Variants in RPL30 observed in about 807,000 individuals in gnomAD.
RPL30 encodes large ribosomal subunit protein eL30.
For missense variants in RPL30, 60 were observed against 138.0 expected (o/e 0.43, Z 2.83); for synonymous variants, 40 against 50.4 (o/e 0.79, Z 0.87).
intron 1 of RPL30, 39 bp downstream of exon 1, chr8:98,045,469 C>T (rs920809115): frequency 6.9e-7 from 1 of 1,440,930 alleles, no homozygotes; most frequent in Admixed American, 1.7e-5. Flanking sequence ...GCAAAGCTCC[C>T]CGCGCTGCCT....
At chr8:98,041,962 T>C (rs909721328) in intron 4 of RPL30, 112 bp from the exon 5 acceptor site, 4 of 815,678 alleles carry the variant, frequency 4.9e-6, no homozygotes, top group South Asian at 4.4e-5. Flanking sequence ...GTCTGCAAAT[T>C]AGCACTGACT....
intron 2 of RPL30, 84 bp from the exon 3 acceptor site, chr8:98,045,172 C>T: frequency 6.4e-7 from 1 of 1,565,014 alleles, no homozygotes; most frequent in South Asian, 1.2e-5. Context: ...AAGCCGAGCC[C>T]CTTAAACTTC....
In RPL30 at chr8:98,044,678, CTG is replaced by C. The variant is rs1185151403; in HGVS notation, c.167+263_167+264del. The C allele has an allele frequency of 2.1e-5, 9 of 437,964 alleles. 1 individual carries two copies. In the South Asian group the frequency reaches 2.2e-4, roughly 11 times the overall value. The allele number at this position is 437,964 out of a possible 1,614,324, so 27.1% of individuals were successfully genotyped here. A position where few individuals can be genotyped will look rare whatever the true frequency, so the allele number is the denominator to read the frequency against. On this transcript the variant is annotated intron_variant, in intron 3 of 4. Transcript: ENST00000287038. Reference sequence around the variant, plus strand: ...ATACATGGAAAAAACAGTAATGTGTCTGTGTTTCCATTAAACCTCGATGTTCT... The same window carrying C: ...ATACATGGAAAAAACAGTAATGTGTCTGTTTCCATTAAACCTCGATGTTCT...
intron 3 of RPL30, chr8:98,044,634 C>CA (rs1814442868): frequency 3.3e-6 from 1 of 305,872 alleles, no homozygotes; most frequent in African/African-American, 2.2e-5. Flanking sequence ...CTAAAAGAAC[C>CA]AAAAAAGCAG....
Position 98,044,998 on chromosome 8 carries a change from T to C in RPL30, c.112A>G (p.Ile38Val). 2 of 1,614,156 alleles carry C rather than the reference T, an allele frequency of 1.2e-6. No individual in the cohort carries two copies. Among genetic ancestry groups the C allele is most frequent in the South Asian group, 2.2e-5 (2 of 91,086 alleles). ...VLGYKQTLKMIRQGKAKLVIL... is the reference protein window; with the variant it reads ...VLGYKQTLKMVRQGKAKLVIL... The stretch of plus-strand genomic sequence containing the variant: ...ACCAATTTCGCTTTGCCTTGTCTGA[T>C]CATCTTCAGAGTCTGCTTGTACCCC... Residue 38 changes from isoleucine (I) to valine (V), a missense_variant, in exon 3 of 5, where the codon ATC becomes GTC. Coordinates refer to ENST00000287038, the MANE Select transcript of RPL30 (RefSeq NM_000989.4).
In RPL30 at chr8:98,041,758, G is replaced by A. The variant is rs1047363047; in HGVS notation, c.*43C>T. 4 of 1,341,100 alleles carry A rather than the reference G, an allele frequency of 3.0e-6. No individual in the cohort carries two copies. Among genetic ancestry groups the A allele is most frequent in the African/African-American group, 1.5e-5 (1 of 67,952 alleles). 83.1% of individuals were successfully genotyped at this position (1,341,100 alleles called of 1,614,324 possible). On this transcript the variant is annotated 3_prime_UTR_variant, in exon 5 of 5. Transcript: ENST00000287038. The stretch of plus-strand genomic sequence containing the variant: ...GCAAATTTTATTAAAGGAAAATTTT[G>A]CAGGTTTAAGGTTTGCAGGTGAAAT...
rs773019395 is a variant in RPL30, at chr8:98,045,044, C to T, written c.66G>A (p.Met22Ile). Residue 22 changes from methionine (M) to isoleucine (I), a missense_variant, in exon 3 of 5, where the codon ATG becomes ATA. By Grantham distance (10) the Met-to-Ile change is conservative (BLOSUM62 1). Transcript: ENST00000287038. The part of the protein sequence containing the change: ...ESINSRLQLV[M>I]KSGKYVLGYK... ...ACCCCAGGACGTACTTCCCACTTTT[C>T]ATAACGAGTTGGAGCCTAGAGTTGA... 11 of 1,614,078 alleles carry T rather than the reference C, an allele frequency of 6.8e-6. No individual in the cohort carries two copies. The African/African-American group carries it at 1.1e-4, about 16-fold the overall frequency.
chr8:98,045,082 A>G lies in RPL30; in HGVS notation c.28T>C (p.Ser10Pro). 6.2e-7 allele frequency: 1 copy of G among 1,613,570 alleles called. No homozygotes were observed. The highest frequency in any genetic ancestry group is 8.5e-7 in the Non-Finnish European group (1 of 1,179,836). ...AGCCTAGAGTTGATCGACTCCAGCG[A>G]CTTTTTCTACAAAGCAAACATTAAA... The part of the protein sequence containing the change: MVAAKKTKK[S>P]LESINSRLQL... Residue 10 changes from serine (S) to proline (P), a missense_variant, in exon 3 of 5, where the codon TCG becomes CCG. By Grantham distance (74) the Ser-to-Pro change is moderately conservative (BLOSUM62 -1). Coordinates refer to ENST00000287038, the MANE Select transcript of RPL30 (RefSeq NM_000989.4).
At chr8:98,042,852 CTAGTGT>C (rs1814404543) in intron 3 of RPL30, 77 bp from the exon 4 acceptor site, 1 of 1,382,080 alleles carries the variant, frequency 7.2e-7, no homozygotes, top group Non-Finnish European at 9.7e-7. Context: ...ACTTCTTTTA[CTAGTGT>C]TAATGTTGTT....
At chr8:98,043,459 CTG>C (rs1182161123) in intron 3 of RPL30, 1 of 138,676 alleles carries the variant, frequency 7.2e-6, no homozygotes, top group Non-Finnish European at 1.5e-5. Context: ...TCTAATGAAA[CTG>C]AGCCACAGAA....
At chr8:98,044,917 G>A (rs1363974936) in intron 3 of RPL30, 26 bp downstream of exon 3, 4 of 1,607,940 alleles carry the variant, frequency 2.5e-6, no homozygotes, top group East Asian at 2.2e-5. Context: ...CGCGGTAGGC[G>A]AAGCCCGTTC....
chr8:98,043,036 G>GT (rs1563744876), intron 3 of RPL30: 2 of 278,610 alleles, frequency 7.2e-6, no homozygotes, highest in African/African-American at 4.4e-5. Flanking sequence ...ACGGAAGAGG[G>GT]TAAGATGCAA....
At chr8:98,045,169 G>T in intron 2 of RPL30, 81 bp from the exon 3 acceptor site, 1 of 1,569,072 alleles carries the variant, frequency 6.4e-7, no homozygotes, top group Admixed American at 1.8e-5. Context: ...TTGAAGCCGA[G>T]CCCCTTAAAC....
At chr8:98,044,231 ATAG>A (rs1814435160) in intron 3 of RPL30, 1 of 152,294 alleles carries the variant, frequency 6.6e-6, no homozygotes, top group African/African-American at 2.4e-5. Context: ...AAGCACTACT[ATAG>A]AAGACAGGCT....
chr8:98,045,123 C>A, intron 2 of RPL30, 35 bp from the exon 3 acceptor site: 1 of 1,598,638 alleles, frequency 6.3e-7, no homozygotes, highest in Non-Finnish European at 8.5e-7. Flanking sequence ...ACCTAAGGGC[C>A]TCGCCTGCAA....
At position 98,045,023 on chromosome 8, in the gene RPL30, C is replaced by T. The variant is rs1284536666; in HGVS notation, c.87G>A (p.Leu29=). 1 of 1,614,202 alleles carries T rather than the reference C, an allele frequency of 6.2e-7. No homozygotes were observed. The change falls in exon 3 of 5, where the codon CTG becomes CTA. Residue 29 remains leucine (L), a synonymous_variant. Transcript: ENST00000287038. ...TCATCTTCAGAGTCTGCTTGTACCCCAGGACGTACTTCCCACTTTTCATAA... is the reference window on the plus strand; with the variant it reads ...TCATCTTCAGAGTCTGCTTGTACCCTAGGACGTACTTCCCACTTTTCATAA... ...QLVMKSGKYV[L]GYKQTLKMIR... is the part of the protein sequence containing the mutation.
intron 2 of RPL30, 95 bp from the exon 3 acceptor site, chr8:98,045,183 C>A: frequency 6.4e-7 from 1 of 1,554,626 alleles, no homozygotes; most frequent in East Asian, 2.2e-5. Context: ...CTTAAACTTC[C>A]GAAGTCGAGG....
chr8:98,041,934 T>C, intron 4 of RPL30, 84 bp from the exon 5 acceptor site: 1 of 1,018,712 alleles, frequency 9.8e-7, no homozygotes, highest in Non-Finnish European at 1.5e-6. Flanking sequence ...CCTTTGGTTA[T>C]CCCTTCTGTA....
At chr8:98,042,596 A>G in intron 4 of RPL30, 49 bp downstream of exon 4, 1 of 1,498,334 alleles carries the variant, frequency 6.7e-7, no homozygotes. Flanking sequence ...TCCAGACATT[A>G]CATTAGAAAG....
Sources: gnomAD v4.1 joint callset for allele counts on GRCh38, gnomAD v4.1.1 for gene constraint, MANE v1.5 for transcripts, NCBI Gene and HGNC (gene_info 2026-07-23, HGNC 2026-07-21) for gene names.